MKLN1: variants seen among roughly 807,000 people sequenced by gnomAD.
MKLN1 encodes the protein muskelin 1.
A neutral mutation model predicts 99.0 loss-of-function variants in MKLN1; 18 were observed. The observed-to-expected ratio is 0.18, with a 90% confidence interval of 0.13 to 0.27. The LOEUF (loss-of-function observed/expected upper bound fraction) is 0.27. MKLN1 is among the 10% of genes least tolerant of loss of function. The probability of loss-of-function intolerance (pLI) is 1.00; values close to 1 mark genes in which losing one functional copy is unlikely to be tolerated. For missense variants in MKLN1, 621 were observed against 875.9 expected (o/e 0.71, Z 3.67); for synonymous variants, 288 against 293.2 (o/e 0.98, Z 0.18).
At chr7:131,186,271 A>C (rs1456190073) in intron 2 of MKLN1, among the ~76,000 whole-genome samples, 1 of 152,188 alleles carries the variant, frequency 6.6e-6, no homozygotes, top group African/African-American at 2.4e-5. Flanking sequence ...TGGGAGGCCG[A>C]AGTGGGAAGA....
intron 3 of MKLN1, among the ~76,000 whole-genome samples, chr7:131,275,746 G>C (rs1049841251): frequency 6.6e-6 from 1 of 150,842 alleles, no homozygotes; most frequent in Admixed American, 6.6e-5. Flanking sequence ...CCTTGTATTG[G>C]TTAGGATATC....
intron 2 of MKLN1, among the ~76,000 whole-genome samples, chr7:131,385,508 C>A (rs1793986678): frequency 6.6e-6 from 1 of 152,148 alleles, no homozygotes; most frequent in Non-Finnish European, 1.5e-5. Flanking sequence ...AGTTTCTTTA[C>A]ATCTTTGTCA....
At chr7:131,319,999 C>T (rs919518858) in intron 3 of MKLN1, among the ~76,000 whole-genome samples, 3 of 152,166 alleles carry the variant, frequency 2.0e-5, no homozygotes, top group African/African-American at 7.2e-5. Flanking sequence ...AATGGCCATA[C>T]TGCCCAAAGT....
Position 131,252,329 on chromosome 7 carries a change from C to CTTTTTTTTTTTTTTTTTTT in MKLN1, c.-179+49372_-179+49373insTTTTTTTTTTTTTTTTTTT, listed in dbSNP as rs60581249. Among the ~76,000 whole-genome samples, 162 of 118,510 alleles carry CTTTTTTTTTTTTTTTTTTT rather than the reference C, an allele frequency of 1.4e-3. 2 individuals carry two copies. Among genetic ancestry groups the CTTTTTTTTTTTTTTTTTTT allele is most frequent in the South Asian group, 3.0e-3 (10 of 3,378 alleles). The allele number at this position is 118,510 out of a possible 152,430, so 77.7% of individuals were successfully genotyped here. On this transcript the variant is annotated intron_variant, in intron 3 of 7. Transcript: ENST00000416992. Reference sequence around the variant, plus strand: ...CATAGTGAAAGGACTTTTTTCTTTTCTTTTTTTTTTTTTTTTTGAGATGGA... The same window carrying CTTTTTTTTTTTTTTTTTTT: ...CATAGTGAAAGGACTTTTTTCTTTTCTTTTTTTTTTTTTTTTTTTTTTTTTTTTTTTTTTTTGAGATGGA...
chr7:131,481,777 C>G (rs1797126190), intron 17 of MKLN1, among the ~76,000 whole-genome samples: 2 of 135,698 alleles, frequency 1.5e-5, no homozygotes, highest in East Asian at 4.4e-4. Context: ...CTGTACCTTT[C>G]ATTGTATAAA....
chr7:131,257,509 C>T (rs1398946984), intron 3 of MKLN1, among the ~76,000 whole-genome samples: 2 of 152,156 alleles, frequency 1.3e-5, no homozygotes, highest in Non-Finnish European at 2.9e-5. Context: ...GACCTCATAG[C>T]CAAGAATGAA....
At chr7:131,188,237 G>A (rs185122034) in intron 2 of MKLN1, among the ~76,000 whole-genome samples, 1 of 152,182 alleles carries the variant, frequency 6.6e-6, no homozygotes, top group East Asian at 1.9e-4. Flanking sequence ...TAGCCATGGG[G>A]GGCGTTGGGG....
chr7:131,275,083 C>T (rs1797940166), intron 3 of MKLN1, among the ~76,000 whole-genome samples: 1 of 152,080 alleles, frequency 6.6e-6, no homozygotes, highest in African/African-American at 2.4e-5. Flanking sequence ...AATAAAGTAC[C>T]ATTGGCTGGT....
In MKLN1 at chr7:131,232,271, C is replaced by CA. The variant is rs537858483; in HGVS notation, c.-179+29303dup. 2.3e-3 allele frequency among the ~76,000 whole-genome samples: 348 copies of CA among 152,146 alleles called. 1 individual carries two copies. The highest frequency in any genetic ancestry group is 7.9e-3 in the African/African-American group (329 of 41,512). ...AGCGAAGTGATTAAAGATGTCAGAACAAAAAATTATAGATCCCAGTGATGT... is the reference window on the plus strand; with the variant it reads ...AGCGAAGTGATTAAAGATGTCAGAACAAAAAAATTATAGATCCCAGTGATGT... On this transcript the variant is annotated intron_variant, in intron 3 of 7. Coordinates refer to the MKLN1 transcript ENST00000416992.
chr7:131,361,315 C>CT (rs1163891835), intron 1 of MKLN1, among the ~76,000 whole-genome samples: 1 of 151,204 alleles, frequency 6.6e-6, no homozygotes, highest in African/African-American at 2.4e-5. Flanking sequence ...GATATTGTTT[C>CT]TTTTTTTTCT....
At chr7:131,477,383 CAA>C (rs5887507) in intron 16 of MKLN1, among the ~76,000 whole-genome samples, 2 of 139,384 alleles carry the variant, frequency 1.4e-5, no homozygotes, top group Non-Finnish European at 3.1e-5. Flanking sequence ...TCGTCTCTAC[CAA>C]AAAAAAAAAA....
At chr7:131,115,337 C>T (rs1795258083) in intron 1 of MKLN1, among the ~76,000 whole-genome samples, 1 of 152,198 alleles carries the variant, frequency 6.6e-6, no homozygotes, top group Admixed American at 6.5e-5. Context: ...TTTTCACAAT[C>T]CTCAGAATTC....
chr7:131,373,880 C>G (rs1263554488), intron 1 of MKLN1, among the ~76,000 whole-genome samples: 1 of 152,106 alleles, frequency 6.6e-6, no homozygotes, highest in Non-Finnish European at 1.5e-5. Context: ...ATTTAGTTGT[C>G]ATGTTTATTA....
rs145973357 is a variant in MKLN1 at position 131,374,750 on chromosome 7, T to C, written c.99-674T>C. 6.0e-3 allele frequency among the ~76,000 whole-genome samples: 919 copies of C among 152,182 alleles called. 7 individuals carry two copies. The highest frequency in any genetic ancestry group is 0.021 in the African/African-American group (888 of 41,526). Reference sequence around the variant, plus strand: ...CTGCTTTTGATGGTATGCCTAAAAGTGCATCTTACTCCAAAGATGGACTTT... The same window carrying C: ...CTGCTTTTGATGGTATGCCTAAAAGCGCATCTTACTCCAAAGATGGACTTT... On this transcript the variant is annotated intron_variant, in intron 1 of 17. Coordinates refer to ENST00000352689, the MANE Select transcript of MKLN1 (RefSeq NM_013255.5).
intron 12 of MKLN1, among the ~76,000 whole-genome samples, chr7:131,449,301 GAGTC>G (rs898294995): frequency 3.3e-5 from 5 of 152,218 alleles, no homozygotes; most frequent in African/African-American, 1.2e-4. Context: ...ACGGAGATAA[GAGTC>G]AGAGTATTTA....
Position 131,414,878 on chromosome 7 carries a change from G to C in MKLN1, c.847+168G>C, listed in dbSNP as rs1794971987. Among the ~76,000 whole-genome samples, 3 of 152,024 alleles carry C rather than the reference G, an allele frequency of 2.0e-5. No homozygotes were observed. In the South Asian group the frequency reaches 6.2e-4, roughly 32 times the overall value. ...CGGCCTTTTATGTGTGTCTGTATGT[G>C]TGTGTATGTGTCTAGTTTATATGTG... is the stretch of plus-strand genomic sequence containing the variant. On this transcript the variant is annotated intron_variant, in intron 8 of 17. Coordinates refer to ENST00000352689, the MANE Select transcript of MKLN1 (RefSeq NM_013255.5).
intron 8 of MKLN1, among the ~76,000 whole-genome samples, chr7:131,418,369 C>CA (rs943898750): frequency 0.07 from 3,722 of 53,404 alleles, 107 homozygotes; most frequent in Non-Finnish European, 0.085. Context: ...GACTTCGTCT[C>CA]AAAAAAAAAA....
At chr7:131,208,592 C>T (rs1563252848) in intron 3 of MKLN1, among the ~76,000 whole-genome samples, 1 of 152,132 alleles carries the variant, frequency 6.6e-6, no homozygotes, top group Non-Finnish European at 1.5e-5. Context: ...GAGTGAGACC[C>T]TGTCTTGAAA....
intron 1 of MKLN1, among the ~76,000 whole-genome samples, chr7:131,362,078 A>G (rs965351934): frequency 3.3e-5 from 5 of 151,950 alleles, no homozygotes; most frequent in Non-Finnish European, 7.4e-5. Flanking sequence ...CTAGGCTCAC[A>G]TTTTTTGTAC....
Sources: gnomAD v4.1 joint callset for allele counts (sites outside exome capture counted in the v4.1 genomes callset) on GRCh38, gnomAD v4.1.1 for gene constraint, MANE v1.5 for transcripts, NCBI Gene and HGNC (gene_info 2026-07-23, HGNC 2026-07-21) for gene names.